The following REPS2 variants were observed in gnomAD, a reference collection of about 807,000 sequenced individuals.
REPS2 encodes the protein RALBP1 associated Eps domain containing 2.
REPS2 carries 23 observed loss-of-function variants against 53.6 expected under a neutral mutation model. The ratio of observed to expected loss-of-function variants is 0.43; its 90% CI spans 0.31 to 0.61. The LOEUF (loss-of-function observed/expected upper bound fraction) is 0.61, where lower values mean the gene tolerates loss of function less well. Ranked by LOEUF, REPS2 falls within the 20% of genes least tolerant of loss-of-function variation. The pLI is 0.11. For missense variants in REPS2, 446 were observed against 534.9 expected, an observed-to-expected ratio of 0.83 and a Z score of 1.64; for synonymous variants, 238 against 218.6, an observed-to-expected ratio of 1.09 and a Z score of -0.78.
At chrX:16,961,651 T>G (rs1270230446) in intron 1 of REPS2, among the ~76,000 whole-genome samples, 1 of 111,586 alleles carries the variant, frequency 9.0e-6, no homozygotes, top group Non-Finnish European at 1.9e-5. Context: ...TGGTACTACA[T>G]CAGACTAAAA....
At chrX:17,171,440 TG>T in the REPS2 span, among the ~76,000 whole-genome samples, 2 of 112,031 alleles carry the variant, frequency 1.8e-5, no homozygotes, top group Non-Finnish European at 3.8e-5. Flanking sequence ...ATGGGCAAAA[TG>T]TGTCTTCAGC....
chrX:17,101,247 A>G (rs1403378080), intron 13 of REPS2, among the ~76,000 whole-genome samples: 1 of 108,487 alleles, frequency 9.2e-6, no homozygotes, highest in Non-Finnish European at 1.9e-5. Flanking sequence ...TATTTTTAGT[A>G]GAGATGGGGT....
At chrX:17,184,096 T>C in the REPS2 span, among the ~76,000 whole-genome samples, 1 of 109,058 alleles carries the variant, frequency 9.2e-6, no homozygotes, top group Non-Finnish European at 1.9e-5. Context: ...GTTACATATG[T>C]ATACATGTGA....
the REPS2 span, among the ~76,000 whole-genome samples, chrX:17,159,646 G>T: frequency 9.0e-6 from 1 of 111,247 alleles, no homozygotes; most frequent in Admixed American, 9.5e-5. Flanking sequence ...GTGCCCCCCA[G>T]CCCCCCAATG....
chrX:16,981,033 A>G (rs1365284994), intron 1 of REPS2, among the ~76,000 whole-genome samples: 1 of 112,708 alleles, frequency 8.9e-6, no homozygotes, highest in Non-Finnish European at 1.9e-5. Flanking sequence ...AAATGGAAGA[A>G]GAAAAGGCAT....
chrX:17,049,979 TCA>T lies in REPS2; in HGVS notation c.908-2400_908-2399del, dbSNP rs1362552256. On this transcript the variant is annotated intron_variant, in intron 6 of 17. Coordinates refer to ENST00000357277, the MANE Select transcript of REPS2 (RefSeq NM_004726.3). ...TAGTGTACAGTAATGTCCTAGGCCT[TCA>T]CAGTCACTCACCACTCACTCTCTGA... 2.8e-5 allele frequency among the ~76,000 whole-genome samples: 3 copies of T among 106,419 alleles called. No homozygotes were observed. In the East Asian group the frequency reaches 9.4e-4, roughly 33 times the overall value. The allele number at this position is 106,419 out of a possible 115,157, so 92.4% of individuals were successfully genotyped here. A position where few individuals can be genotyped will look rare whatever the true frequency, so the allele number is the denominator to read the frequency against.
At chrX:17,156,105 C>T (rs1325600375), downstream of REPS2, among the ~76,000 whole-genome samples, 1 of 111,791 alleles carries the variant, frequency 8.9e-6, no homozygotes, top group African/African-American at 3.2e-5. Context: ...AGAACCCTGC[C>T]GTATCGTTTT....
chrX:17,175,767 G>T, the REPS2 span, among the ~76,000 whole-genome samples: 1 of 112,441 alleles, frequency 8.9e-6, no homozygotes, highest in Non-Finnish European at 1.9e-5. Flanking sequence ...GAGAATGAAG[G>T]TTTTGCTCCA....
rs2034640242 is a variant in REPS2, at chrX:17,034,985, C to G, written c.771+5362C>G. Among the ~76,000 whole-genome samples, 4 of 110,662 alleles carry G rather than the reference C, an allele frequency of 3.6e-5. No homozygotes were observed. The South Asian group carries it at 1.6e-3, about 44-fold the overall frequency. On this transcript the variant is annotated intron_variant, in intron 5 of 17. Coordinates refer to ENST00000357277, the MANE Select transcript of REPS2 (RefSeq NM_004726.3). The stretch of plus-strand genomic sequence containing the variant: ...TAGTTATCTCCTTTCCTCCTCATCT[C>G]AGTTTCTTGCCGTACCTCCTCCCCT...
chrX:17,054,976 C>T, intron 8 of REPS2, 26 bp downstream of exon 8: 2 of 1,189,172 alleles, frequency 1.7e-6, no homozygotes, highest in Middle Eastern at 2.5e-4. Flanking sequence ...CAACTGTAAA[C>T]CTTAAGTACT....
rs1398954646 is a variant in REPS2, at chrX:16,946,866, A to AGGCGGCAGCGGC, written c.12_23dup (p.Ala14_Ala17dup). ...CCGCGCCCCCTTGCTGGCCCCATGG[A>AGGCGGCAGCGGC]GGCGGCAGCGGCGGCGGCGGCGGCG... On this transcript the variant is annotated inframe_insertion, in exon 1 of 18. Transcript: ENST00000357277. 2 of 747,574 alleles carry AGGCGGCAGCGGC rather than the reference A, an allele frequency of 2.7e-6. No individual in the cohort carries two copies. The highest frequency in any genetic ancestry group is 5.4e-5 in the African/African-American group (2 of 37,153). The allele number at this position is 747,574 out of a possible 1,213,427, so 61.6% of individuals were successfully genotyped here.
intron 13 of REPS2, among the ~76,000 whole-genome samples, chrX:17,102,838 A>G (rs1296968235): frequency 8.9e-6 from 1 of 112,673 alleles, no homozygotes; most frequent in Admixed American, 9.4e-5. Flanking sequence ...GCATAGTACA[A>G]ATTTGCAAAT....
At chrX:16,961,827 C>A (rs2060665402) in intron 1 of REPS2, among the ~76,000 whole-genome samples, 1 of 111,836 alleles carries the variant, frequency 8.9e-6, no homozygotes, top group Admixed American at 9.5e-5. Context: ...AAAAAATAGG[C>A]AAAGGACTTG....
chrX:17,050,198 T>TCTCTTTC (rs1185481723), intron 6 of REPS2, among the ~76,000 whole-genome samples: 2 of 22,966 alleles, frequency 8.7e-5, no homozygotes, highest in South Asian at 4.1e-3. Flanking sequence ...TTCTTTCTTT[T>TCTCTTTC]TTTTTTTTTT....
In REPS2 at chrX:17,127,815, C is replaced by T. The variant is rs185856080; in HGVS notation, c.1579-6009C>T. On this transcript the variant is annotated intron_variant, in intron 14 of 17. Transcript: ENST00000357277. ...TTGGGAGTGACTTAGCTGGGTGGTT[C>T]GGGGTTACATCCTCTCATGAGGCTT... is the stretch of plus-strand genomic sequence containing the variant. Among the ~76,000 whole-genome samples, 10 of 111,833 alleles carry T rather than the reference C, an allele frequency of 8.9e-5. No homozygotes were observed. The East Asian group carries it at 2.8e-3, about 32-fold the overall frequency.
At chrX:16,952,298 G>T (rs1268340173) in intron 1 of REPS2, among the ~76,000 whole-genome samples, 1 of 111,384 alleles carries the variant, frequency 9.0e-6, no homozygotes, top group African/African-American at 3.3e-5. Context: ...TCATTGTTCA[G>T]CTCCCACTTA....
chrX:16,956,533 C>T (rs1200993905), intron 1 of REPS2, among the ~76,000 whole-genome samples: 1 of 111,303 alleles, frequency 9.0e-6, no homozygotes, highest in Non-Finnish European at 1.9e-5. Context: ...TCACTGCTTT[C>T]GGTCAAATGA....
intron 15 of REPS2, among the ~76,000 whole-genome samples, chrX:17,134,806 T>C (rs1256863339): frequency 9.1e-6 from 1 of 110,286 alleles, no homozygotes; most frequent in African/African-American, 3.3e-5. Flanking sequence ...GTATTTTTAG[T>C]AGAGACGGGG....
At chrX:17,048,797 C>T (rs749885652) in intron 6 of REPS2, among the ~76,000 whole-genome samples, 2 of 112,481 alleles carry the variant, frequency 1.8e-5, no homozygotes, top group East Asian at 2.8e-4. Context: ...TGCTACCAGT[C>T]GTATAAAAGC....
Sources: allele counts gnomAD v4.1 joint callset (sites outside exome capture counted in the v4.1 genomes callset), GRCh38; gene constraint gnomAD v4.1.1; transcripts MANE v1.5; gene names NCBI Gene and HGNC (gene_info 2026-07-23, HGNC 2026-07-21).